The following ADCY2 variants were observed in gnomAD, a reference collection of about 807,000 sequenced individuals.
ADCY2 encodes the protein adenylate cyclase 2.
Under a neutral mutation model 125.2 loss-of-function variants are expected in ADCY2, and 31 were observed. The ratio of observed to expected loss-of-function variants is 0.25; its 90% confidence interval spans 0.19 to 0.33. The LOEUF (loss-of-function observed/expected upper bound fraction) is 0.33, where lower values mean the gene tolerates loss of function less well. Ranked by LOEUF, ADCY2 falls within the 10% of genes least tolerant of loss-of-function variation. The pLI, the probability that ADCY2 is intolerant of heterozygous loss-of-function variation, is 1.00. For missense variants in ADCY2, 904 were observed against 1,418.2 expected (o/e 0.64, Z 5.82); for synonymous variants, 512 against 548.4 (o/e 0.93, Z 0.93).
At chr5:7,513,565 GAC>G (rs1744154390) in intron 2 of ADCY2, among the ~76,000 whole-genome samples, 2 of 152,128 alleles carry the variant, frequency 1.3e-5, no homozygotes, top group African/African-American at 4.8e-5. Flanking sequence ...AGATATAGAT[GAC>G]ATCCAATGAG....
intron 20 of ADCY2, among the ~76,000 whole-genome samples, chr5:7,793,305 G>A (rs572434956): frequency 6.6e-6 from 1 of 152,300 alleles, no homozygotes; most frequent in South Asian, 2.1e-4. Context: ...AAACAAGTTA[G>A]CCGGGCATGG....
rs10053779 is a variant in ADCY2, at chr5:7,644,647, C to T, written c.720+18331C>T. On this transcript the variant is annotated intron_variant, in intron 4 of 24. Transcript: ENST00000338316. Reference sequence around the variant, plus strand: ...CCGTTTTTGCCCAAATGCCATTCTTCGGTCACCCTCTCTATTTCTGTGAAT... The same window carrying T: ...CCGTTTTTGCCCAAATGCCATTCTTTGGTCACCCTCTCTATTTCTGTGAAT... Among the ~76,000 whole-genome samples the T allele has an allele frequency of 7.1e-3, 1,076 of 152,234 alleles. 12 individuals are homozygous for T. The highest frequency in any genetic ancestry group is 0.025 in the African/African-American group (1,018 of 41,546).
At chr5:7,753,319 A>G (rs938547414) in intron 15 of ADCY2, among the ~76,000 whole-genome samples, 1 of 152,180 alleles carries the variant, frequency 6.6e-6, no homozygotes, top group Non-Finnish European at 1.5e-5. Context: ...GTACACGGTG[A>G]GCTCACTGTA....
At chr5:7,675,651 G>A (rs1740099660) in intron 4 of ADCY2, among the ~76,000 whole-genome samples, 1 of 152,136 alleles carries the variant, frequency 6.6e-6, no homozygotes, top group Non-Finnish European at 1.5e-5. Flanking sequence ...ACCACTGTGG[G>A]GCAAGAGCAG....
intron 23 of ADCY2, among the ~76,000 whole-genome samples, chr5:7,817,714 T>C (rs1745160469): frequency 6.6e-6 from 1 of 151,334 alleles, no homozygotes; most frequent in African/African-American, 2.4e-5. Context: ...TCCTAGCTAC[T>C]TTGGAGGCTG....
At chr5:7,405,857 C>A (rs1454032873) in intron 1 of ADCY2, among the ~76,000 whole-genome samples, 1 of 152,070 alleles carries the variant, frequency 6.6e-6, no homozygotes, top group Non-Finnish European at 1.5e-5. Flanking sequence ...ATAGTTTATT[C>A]CCATTTATTT....
chr5:7,785,434 T>G (rs949801458), intron 19 of ADCY2, among the ~76,000 whole-genome samples: 1 of 152,186 alleles, frequency 6.6e-6, no homozygotes, highest in Admixed American at 6.5e-5. Flanking sequence ...AGCACCGAGC[T>G]GTCCTGTCCT....
At chr5:7,524,875 T>A (rs1223197898) in intron 3 of ADCY2, among the ~76,000 whole-genome samples, 1 of 152,226 alleles carries the variant, frequency 6.6e-6, no homozygotes, top group Non-Finnish European at 1.5e-5. Context: ...ACATATTTTG[T>A]GGAAAGGCAC....
intron 2 of ADCY2, among the ~76,000 whole-genome samples, chr5:7,504,031 C>A (rs1431806822): frequency 6.6e-6 from 1 of 152,072 alleles, no homozygotes; most frequent in Non-Finnish European, 1.5e-5. Context: ...GAGGTTTTGG[C>A]TGTGCTCCTG....
intron 3 of ADCY2, among the ~76,000 whole-genome samples, chr5:7,589,459 AAAG>A (rs1163497678): frequency 5.2e-4 from 6 of 11,438 alleles, no homozygotes; most frequent in African/African-American, 1.5e-3. Flanking sequence ...AAGGAAAGAA[AAAG>A]AAAGAAAGAA....
At chr5:7,703,459 C>A (rs1189488954) in intron 7 of ADCY2, among the ~76,000 whole-genome samples, 1 of 151,770 alleles carries the variant, frequency 6.6e-6, no homozygotes, top group African/African-American at 2.4e-5. Flanking sequence ...CCAGTTTTCC[C>A]AGCACCATTT....
rs767472824 is a variant in ADCY2, at chr5:7,757,427, TTTTC to T, written c.1957-16_1957-13del. On this transcript the variant is annotated intron_variant, in intron 15 of 24. Coordinates refer to ENST00000338316, the MANE Select transcript of ADCY2 (RefSeq NM_020546.3). ...AGTCATCAGCTAGCAATGCTTCTCT[TTTTC>T]TTTCTCTCTTCTCCTAGCAATGCAG... 6.2e-7 allele frequency: 1 copy of T among 1,608,866 alleles called. No individual in the cohort carries two copies. Among genetic ancestry groups the T allele is most frequent in the Non-Finnish European group, 8.5e-7 (1 of 1,177,500 alleles).
intron 7 of ADCY2, among the ~76,000 whole-genome samples, chr5:7,699,898 A>G (rs1039203714): frequency 1.3e-5 from 2 of 152,230 alleles, no homozygotes; most frequent in African/African-American, 4.8e-5. Context: ...TAGTATTGTT[A>G]CTATGAGCCT....
intron 3 of ADCY2, among the ~76,000 whole-genome samples, chr5:7,526,455 TAGTAG>T (rs757956507): frequency 3.9e-5 from 5 of 126,830 alleles, no homozygotes; most frequent in Non-Finnish European, 7.6e-5. Context: ...TCAAAATAGT[TAGTAG>T]AGAAGAATTG....
intron 3 of ADCY2, among the ~76,000 whole-genome samples, chr5:7,603,180 C>T (rs1201762960): frequency 6.6e-6 from 1 of 152,208 alleles, no homozygotes; most frequent in African/African-American, 2.4e-5. Flanking sequence ...AGGCTGACTT[C>T]ATTCACATCT....
At chr5:7,816,073 C>G (rs1325109525) in intron 22 of ADCY2, among the ~76,000 whole-genome samples, 1 of 152,136 alleles carries the variant, frequency 6.6e-6, no homozygotes, top group Admixed American at 6.5e-5. Context: ...TAGGGCCCAC[C>G]CTTATAAGCT....
At chr5:7,619,565 G>A (rs1345053012) in intron 3 of ADCY2, among the ~76,000 whole-genome samples, 3 of 152,158 alleles carry the variant, frequency 2.0e-5, no homozygotes, top group African/African-American at 7.2e-5. Flanking sequence ...TGATGACAGT[G>A]TTCTTTTTCC....
intron 14 of ADCY2, among the ~76,000 whole-genome samples, chr5:7,736,960 T>C (rs1235179941): frequency 1.3e-5 from 2 of 152,142 alleles, no homozygotes; most frequent in Non-Finnish European, 2.9e-5. Flanking sequence ...AAGGAATATA[T>C]ACATATTTGC....
chr5:7,464,899 C>A (rs965648312), intron 2 of ADCY2, among the ~76,000 whole-genome samples: 1 of 152,052 alleles, frequency 6.6e-6, no homozygotes, highest in Non-Finnish European at 1.5e-5. Flanking sequence ...AAGACATACC[C>A]GAGACTGGGT....
Sources: allele counts gnomAD v4.1 joint callset (sites outside exome capture counted in the v4.1 genomes callset), GRCh38; gene constraint gnomAD v4.1.1; transcripts MANE v1.5; gene names NCBI Gene and HGNC (gene_info 2026-07-23, HGNC 2026-07-21).